Variants in TRAPPC9 observed in about 807,000 individuals in gnomAD.
The protein encoded by TRAPPC9 is IKK2 binding protein.
A neutral mutation model predicts 124.0 loss-of-function variants in TRAPPC9; 83 were observed. The ratio of observed to expected loss-of-function variants is 0.67; its 90% CI spans 0.56 to 0.80. The LOEUF (loss-of-function observed/expected upper bound fraction) is 0.80. Ranked by LOEUF, TRAPPC9 falls within the 30% of genes least tolerant of loss-of-function variation. The pLI is 0.00. For synonymous variants in TRAPPC9, 638 were observed against 617.5 expected (o/e 1.03, Z -0.49); for missense variants, 1,302 against 1,508.3 (o/e 0.86, Z 2.27).
intron 21 of TRAPPC9, among the ~76,000 whole-genome samples, chr8:139,753,139 ACCATCCACCATCCAC>A (rs1436207294): frequency 5.1e-5 from 6 of 117,146 alleles, no homozygotes; most frequent in Non-Finnish European, 1.1e-4. Context: ...TCCATCATCC[ACCATCCACCATCCAC>A]CCATCCACCA....
intron 17 of TRAPPC9, among the ~76,000 whole-genome samples, chr8:140,109,270 G>C (rs557293503): frequency 2.2e-4 from 33 of 152,162 alleles, no homozygotes; most frequent in Non-Finnish European, 4.3e-4. Flanking sequence ...GATGGGGAGG[G>C]GGCACTAATA....
chr8:140,318,678 C>T (rs920926616), intron 9 of TRAPPC9, among the ~76,000 whole-genome samples: 3 of 152,226 alleles, frequency 2.0e-5, no homozygotes, highest in African/African-American at 7.2e-5. Flanking sequence ...TCTCCAGTTC[C>T]ATCCATGTTG....
At chr8:140,291,105 T>A in intron 11 of TRAPPC9, 27 bp from the exon 12 acceptor site, 1 of 1,594,504 alleles carries the variant, frequency 6.3e-7, no homozygotes, top group East Asian at 2.2e-5. Context: ...CATAAATGAA[T>A]CCATGTATTA....
Position 140,022,463 on chromosome 8 carries a change from T to C in TRAPPC9, c.2699+1474A>G, listed in dbSNP as rs372214770. 2.6e-5 allele frequency among the ~76,000 whole-genome samples: 4 copies of C among 152,096 alleles called. No homozygotes were observed. In the South Asian group the frequency reaches 6.2e-4, roughly 24 times the overall value. On this transcript the variant is annotated intron_variant, in intron 18 of 22. Coordinates refer to ENST00000438773, the MANE Select transcript of TRAPPC9 (RefSeq NM_001160372.4). ...AAACCTCTGTGTGCAGCAAACCACATAGCGGCATTTTTCTCATCTTCAACT... is the reference window on the plus strand; with the variant it reads ...AAACCTCTGTGTGCAGCAAACCACACAGCGGCATTTTTCTCATCTTCAACT...
chr8:140,372,521 A>G (rs1237833297), intron 7 of TRAPPC9, among the ~76,000 whole-genome samples: 1 of 152,168 alleles, frequency 6.6e-6, no homozygotes, highest in Non-Finnish European at 1.5e-5. Context: ...TTCCTGAGAC[A>G]TGGCTCAGAG....
chr8:140,261,592 C>T (rs2064413364), intron 15 of TRAPPC9, among the ~76,000 whole-genome samples: 2 of 152,322 alleles, frequency 1.3e-5, no homozygotes, highest in South Asian at 4.1e-4. Context: ...GGTGAACCTG[C>T]TAGGGTCCCA....
At chr8:139,845,038 A>G (rs1355936393) in intron 21 of TRAPPC9, among the ~76,000 whole-genome samples, 2 of 152,128 alleles carry the variant, frequency 1.3e-5, no homozygotes, top group Admixed American at 6.5e-5. Flanking sequence ...CCCTGCCCGG[A>G]TTCATCGTGG....
intron 17 of TRAPPC9, among the ~76,000 whole-genome samples, chr8:140,026,138 T>C (rs1391421951): frequency 6.6e-6 from 1 of 152,210 alleles, no homozygotes; most frequent in Non-Finnish European, 1.5e-5. Flanking sequence ...TCACTCAGCA[T>C]CATGTCCTCG....
chr8:140,424,826 C>T (rs2070365521), intron 5 of TRAPPC9, among the ~76,000 whole-genome samples: 1 of 152,084 alleles, frequency 6.6e-6, no homozygotes, highest in Non-Finnish European at 1.5e-5. Context: ...AACTCTTCTT[C>T]CGGTTTTGGA....
rs1310511822 is a variant in TRAPPC9 at position 139,984,463 on chromosome 8, G to C, written c.2810+4263C>G. On this transcript the variant is annotated intron_variant, in intron 19 of 22. Transcript: ENST00000438773. The surrounding 1 kb of genome is among the most constrained non-coding windows in gnomAD (Gnocchi z 4.3). ...GCACAGCCTGGGGGTGGGGGGCCGG[G>C]GGGTGGTGGCAGGGGTGCCTCCTCG... 1.3e-5 allele frequency among the ~76,000 whole-genome samples: 2 copies of C among 152,026 alleles called. No individual in the cohort carries two copies. The highest frequency in any genetic ancestry group is 3.9e-4 in the East Asian group (2 of 5,156).
intron 21 of TRAPPC9, among the ~76,000 whole-genome samples, chr8:139,863,821 C>A (rs1374362546): frequency 6.6e-6 from 1 of 152,222 alleles, no homozygotes; most frequent in Non-Finnish European, 1.5e-5. Context: ...ATAGATCTGC[C>A]ACTGAGGGGC....
rs148413087 is a variant in TRAPPC9 at position 140,352,768 on chromosome 8, C to T, written c.1495+7282G>A. Among the ~76,000 whole-genome samples the T allele has an allele frequency of 8.8e-4, 134 of 152,268 alleles. 1 individual carries two copies. Among genetic ancestry groups the T allele is most frequent in the South Asian group, 3.5e-3 (17 of 4,816 alleles). The stretch of plus-strand genomic sequence containing the variant: ...AATATTATAAGACAAATTATAACAG[C>T]AGCACATCTTGGAAAAGAATCACAT... On this transcript the variant is annotated intron_variant, in intron 9 of 22. Coordinates refer to ENST00000438773, the MANE Select transcript of TRAPPC9 (RefSeq NM_001160372.4).
chr8:139,964,861 A>G (rs2665935), intron 19 of TRAPPC9, among the ~76,000 whole-genome samples: 56,436 of 152,078 alleles, frequency 0.37, 11,812 homozygotes, highest in Non-Finnish European at 0.47. Context: ...CTGCTCATAC[A>G]TGCACTTGAG....
chr8:140,009,611 G>C (rs1169093050), intron 18 of TRAPPC9, among the ~76,000 whole-genome samples: 3 of 152,096 alleles, frequency 2.0e-5, no homozygotes, highest in East Asian at 1.9e-4. Flanking sequence ...TTGTTCTGAG[G>C]ATATCCAGAA....
At chr8:140,099,172 C>A (rs1466073198) in intron 17 of TRAPPC9, 2 of 151,788 alleles carry the variant, frequency 1.3e-5, no homozygotes, top group African/African-American at 2.4e-5. Context: ...TGACGCCCTC[C>A]GTGATCCTGC....
Position 139,785,054 on chromosome 8 carries a change from C to T in TRAPPC9, c.3056-52852G>A, listed in dbSNP as rs551350072. ...CGCACAACAGCAATAATTAAGACTG[C>T]GTGGTATTAGTTTCAAGACAGACAA... On this transcript the variant is annotated intron_variant, in intron 21 of 22. Transcript: ENST00000438773. 1.7e-4 allele frequency among the ~76,000 whole-genome samples: 26 copies of T among 152,236 alleles called. No homozygotes were observed. In the South Asian group the frequency reaches 3.1e-3, roughly 18 times the overall value.
intron 17 of TRAPPC9, among the ~76,000 whole-genome samples, chr8:140,132,416 A>G (rs2130716111): frequency 6.6e-6 from 1 of 152,198 alleles, no homozygotes; most frequent in East Asian, 1.9e-4. Flanking sequence ...CTCTCATATT[A>G]TTTTATTATC....
chr8:139,838,665 T>C (rs28670722), intron 21 of TRAPPC9, among the ~76,000 whole-genome samples: 3 of 151,956 alleles, frequency 2.0e-5, no homozygotes, highest in Admixed American at 6.5e-5. Flanking sequence ...TGATGACGGG[T>C]GGGTGGCAAG....
At chr8:140,413,263 C>T (rs537632962) in intron 5 of TRAPPC9, among the ~76,000 whole-genome samples, 1 of 152,208 alleles carries the variant, frequency 6.6e-6, no homozygotes, top group South Asian at 2.1e-4. Flanking sequence ...GTGGCACATG[C>T]CTGTAATCCC....
Sources: gnomAD v4.1 joint callset for allele counts (sites outside exome capture counted in the v4.1 genomes callset) on GRCh38, gnomAD v4.1.1 for gene constraint, Gnocchi (gnomAD v3.1) non-coding constraint, MANE v1.5 for transcripts, NCBI Gene and HGNC (gene_info 2026-07-23, HGNC 2026-07-21) for gene names.